The following ATP10A variants were observed in gnomAD, a reference collection of about 807,000 sequenced individuals.
ATP10A encodes the protein phospholipid-transporting ATPase VA.
Under a neutral mutation model 147.8 loss-of-function variants are expected in ATP10A, and 111 were observed. The observed-to-expected ratio is 0.75, with a 90% CI of 0.64 to 0.88. The LOEUF (loss-of-function observed/expected upper bound fraction) is 0.88. Among genes scored for constraint, ATP10A ranks in the 40% least tolerant of loss-of-function variants. ATP10A has a pLI of 0.00. For missense variants in ATP10A, 1,927 were observed against 1,959.0 expected, an observed-to-expected ratio of 0.98 and a Z score of 0.31; for synonymous variants, 875 against 841.6, an observed-to-expected ratio of 1.04 and a Z score of -0.69.
intron 1 of ATP10A, among the ~76,000 whole-genome samples, chr15:25,831,131 C>T (rs1041318003): frequency 2.6e-5 from 4 of 152,244 alleles, no homozygotes; most frequent in African/African-American, 7.2e-5. Flanking sequence ...GGCTGGACCC[C>T]GTGCATACCC....
At chr15:25,702,597 C>T (rs1018968601) in intron 12 of ATP10A, among the ~76,000 whole-genome samples, 1 of 152,168 alleles carries the variant, frequency 6.6e-6, no homozygotes, top group African/African-American at 2.4e-5. Context: ...AAACAGACTT[C>T]ACAGGTAAGG....
intron 1 of ATP10A, among the ~76,000 whole-genome samples, chr15:25,786,307 G>A (rs566079042): frequency 3.9e-5 from 6 of 152,304 alleles, no homozygotes; most frequent in African/African-American, 1.2e-4. Flanking sequence ...TCCCACGGCC[G>A]AGTGAACACG....
At chr15:25,718,432 G>C (rs1901977722) in intron 7 of ATP10A, 33 bp from the exon 8 acceptor site, 1 of 1,556,766 alleles carries the variant, frequency 6.4e-7, no homozygotes, top group Non-Finnish European at 8.7e-7. Context: ...GAGGCATCAT[G>C]GGGGAAGGCT....
chr15:25,711,695 C>A (rs747999136), intron 10 of ATP10A, among the ~76,000 whole-genome samples: 7 of 152,166 alleles, frequency 4.6e-5, no homozygotes, highest in Non-Finnish European at 8.8e-5. Context: ...GAGACAATGT[C>A]ATTACCTGGC....
rs191365418 is a variant in ATP10A, at chr15:25,782,831, T to C, written c.450-1608A>G. On this transcript the variant is annotated intron_variant, in intron 1 of 20. Transcript: ENST00000555815. ...AACATAAATTTATCTGAACAAGGTATGTTACACCTTGGAAACATACCTTGG... is the reference window on the plus strand; with the variant it reads ...AACATAAATTTATCTGAACAAGGTACGTTACACCTTGGAAACATACCTTGG... Among the ~76,000 whole-genome samples, 33 of 152,236 alleles carry C rather than the reference T, an allele frequency of 2.2e-4. 1 individual carries two copies. In the East Asian group the frequency reaches 6.2e-3, roughly 29 times the overall value.
Position 25,695,630 on chromosome 15 carries a change from A to T in ATP10A, c.2761-484T>A, listed in dbSNP as rs950955438. Among the ~76,000 whole-genome samples the T allele has an allele frequency of 3.9e-5, 6 of 152,220 alleles. No homozygotes were observed. In the South Asian group the frequency reaches 1.0e-3, roughly 26 times the overall value. On this transcript the variant is annotated intron_variant, in intron 13 of 20. Coordinates refer to ENST00000555815, the MANE Select transcript of ATP10A (RefSeq NM_024490.4). ...GGCGACAGAGCGAGACTCTGTCTCA[A>T]AAAAAAGAGACTGAACTGGTCTAGG...
At chr15:25,692,273 T>C (rs981499722) in intron 14 of ATP10A, among the ~76,000 whole-genome samples, 1 of 152,186 alleles carries the variant, frequency 6.6e-6, no homozygotes, top group African/African-American at 2.4e-5. Flanking sequence ...GTATTAGCCA[T>C]TGTGCTCACT....
chr15:25,864,855 G>A (rs999385269), upstream of ATP10A, among the ~76,000 whole-genome samples: 9 of 152,076 alleles, frequency 5.9e-5, no homozygotes, highest in Admixed American at 2.0e-4. Flanking sequence ...GGTGACCCCC[G>A]AGGCCTTCGG....
chr15:25,723,312 C>T (rs1414667429), intron 6 of ATP10A, among the ~76,000 whole-genome samples: 2 of 150,960 alleles, frequency 1.3e-5, no homozygotes, highest in Non-Finnish European at 2.9e-5. Context: ...CGTGTCACTG[C>T]ACTCCAGCCT....
intron 7 of ATP10A, 36 bp from the exon 8 acceptor site, chr15:25,718,435 G>A (rs1465673666): frequency 1.3e-6 from 2 of 1,552,654 alleles, no homozygotes; most frequent in South Asian, 1.2e-5. Flanking sequence ...GCATCATGGG[G>A]GAAGGCTGGG....
chr15:25,840,095 TC>T (rs1892750609), intron 1 of ATP10A, among the ~76,000 whole-genome samples: 1 of 152,072 alleles, frequency 6.6e-6, no homozygotes, highest in African/African-American at 2.4e-5. Flanking sequence ...TTGTCCCTCA[TC>T]CCCCTAAGAA....
rs751590794 is a variant in ATP10A at position 25,679,961 on chromosome 15, A to T, written c.3880T>A (p.Ser1294Thr). Residue 1294 changes from serine to threonine, a missense_variant, in exon 21 of 21, where the codon TCC (serine) becomes ACC (threonine). Transcript: ENST00000555815. ...GTGGGGAAAACCCTCCCCTGGAGGGATCTGAAAAACAATCTAGAAAAAGTA... is the reference window on the plus strand; with the variant it reads ...GTGGGGAAAACCCTCCCCTGGAGGGTTCTGAAAAACAATCTAGAAAAAGTA... ...AALLPRLFFRSLQGRVFPTQL... is the reference protein window; with the variant it reads ...AALLPRLFFRTLQGRVFPTQL... The T allele has an allele frequency of 6.3e-7, 1 of 1,593,586 alleles. No homozygotes were observed. Among genetic ancestry groups the T allele is most frequent in the East Asian group, 2.3e-5 (1 of 44,356 alleles).
chr15:25,700,337 A>G (rs1171052290), intron 13 of ATP10A, among the ~76,000 whole-genome samples: 1 of 152,242 alleles, frequency 6.6e-6, no homozygotes, highest in Non-Finnish European at 1.5e-5. Flanking sequence ...CATCTAACCT[A>G]GGTATTTAAA....
At chr15:25,819,483 A>T (rs190549092) in intron 1 of ATP10A, among the ~76,000 whole-genome samples, 1 of 152,288 alleles carries the variant, frequency 6.6e-6, no homozygotes. Flanking sequence ...TGGAAATGTA[A>T]ATTAGTACAA....
rs776112786 is a variant in ATP10A at position 25,708,052 on chromosome 15, G to A, written c.2499C>T (p.Ala833=). ...YACWLQSHLE[A]ESSLENSEEL... ...CCTCGCTGTTTTCCAGGGAGGATTC[G>A]GCTTCTAGGTGGCTTTGCAACCAGC... Residue 833 remains alanine, a synonymous_variant, in exon 12 of 21, where the codon GCC becomes GCT. Coordinates refer to ENST00000555815, the MANE Select transcript of ATP10A (RefSeq NM_024490.4). The A allele has an allele frequency of 1.4e-5, 23 of 1,614,026 alleles. No individual in the cohort carries two copies. The highest frequency in any genetic ancestry group is 6.7e-5 in the African/African-American group (5 of 74,944).
In ATP10A at chr15:25,736,140, A is replaced by T. The variant is rs1401337334; in HGVS notation, c.656T>A (p.Val219Asp). The T allele has an allele frequency of 3.1e-6, 5 of 1,612,230 alleles. No homozygotes were observed. Among genetic ancestry groups the T allele is most frequent in the Middle Eastern group, 4.1e-4 (2 of 4,866 alleles). ...GAACGTCAAAGGATTGAATTCGGAGACCTAAAATAACAGCACGTAGACATT... is the reference window on the plus strand; with the variant it reads ...GAACGTCAAAGGATTGAATTCGGAGTCCTAAAATAACAGCACGTAGACATT... ...RQVVRGFSEL[V>D]SEFNPLTFTS... The change falls in exon 3 of 21, where the codon GTC (valine) becomes GAC (aspartate). Residue 219 changes from valine to aspartate, a missense_variant and splice_region_variant. By Grantham distance (152) the Val-to-Asp change is radical (BLOSUM62 -3). Coordinates refer to ENST00000555815, the MANE Select transcript of ATP10A (RefSeq NM_024490.4).
At chr15:25,738,867 C>A (rs1164827090) in intron 2 of ATP10A, among the ~76,000 whole-genome samples, 1 of 152,164 alleles carries the variant, frequency 6.6e-6, no homozygotes, top group Non-Finnish European at 1.5e-5. Context: ...TTTGCACCAC[C>A]TTCAACTTAG....
chr15:25,799,629 G>T (rs1011936171), intron 1 of ATP10A, among the ~76,000 whole-genome samples: 1 of 152,184 alleles, frequency 6.6e-6, no homozygotes, highest in African/African-American at 2.4e-5. Context: ...AGCTACTCGG[G>T]AGGCTGAGGT....
In ATP10A at chr15:25,718,174, A is replaced by G. The variant is rs376579126; in HGVS notation, c.1581+8T>C. On this transcript the variant is annotated splice_region_variant and intron_variant, in intron 8 of 20. Transcript: ENST00000555815. ...GCAGCACCCTAGCAGGAGGCCCTGT[A>G]CACTCACCATGGGGCTGCTGAAGGC... is the stretch of plus-strand genomic sequence containing the variant. 36 of 1,611,842 alleles carry G rather than the reference A, an allele frequency of 2.2e-5. No homozygotes were observed. In the Middle Eastern group the frequency reaches 4.9e-4, roughly 22 times the overall value.
Sources: gnomAD v4.1 joint callset for allele counts (sites outside exome capture counted in the v4.1 genomes callset) on GRCh38, gnomAD v4.1.1 for gene constraint, MANE v1.5 for transcripts, NCBI Gene and HGNC (gene_info 2026-07-23, HGNC 2026-07-21) for gene names.